Variants in PAPPA observed in about 807,000 individuals in gnomAD.
The protein encoded by PAPPA is pappalysin-1.
Under a neutral mutation model 164.0 loss-of-function variants are expected in PAPPA, and 60 were observed. The ratio of observed to expected loss-of-function variants is 0.37; its 90% CI spans 0.30 to 0.45. PAPPA has a LOEUF of 0.45. Among genes scored for constraint, PAPPA ranks in the 20% least tolerant of loss-of-function variants. PAPPA has a pLI of 1.00. For synonymous variants in PAPPA, 875 were observed against 814.1 expected, an observed-to-expected ratio of 1.07 and a Z score of -1.27; for missense variants, 1,782 against 2,087.3, an observed-to-expected ratio of 0.85 and a Z score of 2.85.
At chr9:116,322,402 C>T (rs7032528) in intron 10 of PAPPA, among the ~76,000 whole-genome samples, 5 of 112,506 alleles carry the variant, frequency 4.4e-5, no homozygotes, top group African/African-American at 1.7e-4. Context: ...AATAGGAAGA[C>T]TTAGTCTCAA....
intron 8 of PAPPA, among the ~76,000 whole-genome samples, chr9:116,269,845 G>A (rs908368235): frequency 2.0e-5 from 3 of 152,188 alleles, no homozygotes; most frequent in Admixed American, 6.5e-5. Context: ...CAGCAAGCAA[G>A]ACCCACTGCC....
intron 5 of PAPPA, among the ~76,000 whole-genome samples, chr9:116,225,580 T>C (rs1844496415): frequency 6.6e-6 from 1 of 152,214 alleles, no homozygotes; most frequent in Non-Finnish European, 1.5e-5. Context: ...AGTTGCATAA[T>C]ATTTATAAAT....
intron 18 of PAPPA, among the ~76,000 whole-genome samples, chr9:116,364,751 T>C (rs1235806810): frequency 6.6e-6 from 1 of 151,628 alleles, no homozygotes; most frequent in African/African-American, 2.4e-5. Flanking sequence ...ATCAGAACAG[T>C]GGAGAAAGAG....
chr9:116,248,949 T>G (rs1844828454), intron 7 of PAPPA, among the ~76,000 whole-genome samples: 1 of 152,200 alleles, frequency 6.6e-6, no homozygotes, highest in Non-Finnish European at 1.5e-5. Context: ...ATGAGAATCT[T>G]ACAGCATGGT....
At chr9:116,208,699 C>G (rs1587952791) in intron 3 of PAPPA, among the ~76,000 whole-genome samples, 1 of 152,182 alleles carries the variant, frequency 6.6e-6, no homozygotes, top group Admixed American at 6.6e-5. Context: ...AGTAGCTTCT[C>G]CATTGCTATT....
intron 7 of PAPPA, among the ~76,000 whole-genome samples, chr9:116,241,913 G>T (rs200248349): frequency 5.3e-5 from 8 of 151,264 alleles, no homozygotes; most frequent in African/African-American, 1.7e-4. Context: ...AGCTCTTTCC[G>T]TTTCTCACCT....
intron 15 of PAPPA, 69 bp from the exon 16 acceptor site, chr9:116,352,637 G>A: frequency 3.2e-6 from 4 of 1,239,818 alleles, no homozygotes; most frequent in South Asian, 1.2e-5. Context: ...TAAAATCCAA[G>A]TAGCTATACA....
intron 16 of PAPPA, 69 bp from the exon 17 acceptor site, chr9:116,353,553 T>C: frequency 7.4e-7 from 1 of 1,353,846 alleles, no homozygotes; most frequent in Non-Finnish European, 1.0e-6. Flanking sequence ...CAGCTGGTGG[T>C]GTTCATGCAG....
chr9:116,224,258 AT>A (rs1844478365), intron 5 of PAPPA, among the ~76,000 whole-genome samples: 1 of 152,148 alleles, frequency 6.6e-6, no homozygotes, highest in South Asian at 2.1e-4. Flanking sequence ...TAACTCCTTT[AT>A]TTTTATCTGT....
chr9:116,278,647 C>A (rs1250278043), intron 9 of PAPPA, among the ~76,000 whole-genome samples: 1 of 145,916 alleles, frequency 6.9e-6, no homozygotes, highest in African/African-American at 2.7e-5. Flanking sequence ...TTGACAGTAG[C>A]CAAATCGTTT....
chr9:116,391,383 C>T (rs1346081900), intron 21 of PAPPA, among the ~76,000 whole-genome samples: 2 of 152,184 alleles, frequency 1.3e-5, no homozygotes, highest in Non-Finnish European at 1.5e-5. Flanking sequence ...GATGTGGCCC[C>T]CCACAGCCAG....
rs181359803 is a variant in PAPPA, at chr9:116,202,359, C to T, written c.1479-5097C>T. Among the ~76,000 whole-genome samples, 3 of 152,204 alleles carry T rather than the reference C, an allele frequency of 2.0e-5. No individual in the cohort carries two copies. In the East Asian group the frequency reaches 5.8e-4, roughly 29 times the overall value. ...TAGGAAATATTTTGTTGGCACTTACCAACGAGTGAGATGCATAAAGAAAAT... is the reference window on the plus strand; with the variant it reads ...TAGGAAATATTTTGTTGGCACTTACTAACGAGTGAGATGCATAAAGAAAAT... On this transcript the variant is annotated intron_variant, in intron 2 of 21. Transcript: ENST00000328252.
At chr9:116,270,947 C>CT (rs1029950184) in intron 8 of PAPPA, among the ~76,000 whole-genome samples, 14 of 152,046 alleles carry the variant, frequency 9.2e-5, no homozygotes, top group African/African-American at 3.1e-4. Context: ...TTCAAATATG[C>CT]TTTTTTTAAG....
chr9:116,236,779 C>A (rs1289657396), intron 7 of PAPPA, among the ~76,000 whole-genome samples: 4 of 152,198 alleles, frequency 2.6e-5, no homozygotes, highest in East Asian at 3.9e-4. Context: ...ACAACCATAG[C>A]CCTATTATTC....
intron 20 of PAPPA, 48 bp from the exon 21 acceptor site, chr9:116,382,347 C>A: frequency 8.4e-7 from 1 of 1,193,068 alleles, no homozygotes; most frequent in Non-Finnish European, 1.3e-6. Context: ...CCCACTCACT[C>A]CAGGATGCTA....
chr9:116,209,357 G>T (rs1844278642), intron 3 of PAPPA, among the ~76,000 whole-genome samples: 1 of 152,066 alleles, frequency 6.6e-6, no homozygotes, highest in Non-Finnish European at 1.5e-5. Flanking sequence ...AAATAAGCAG[G>T]TCCTAGGAGG....
chr9:116,207,136 A>G (rs541512458), intron 2 of PAPPA, among the ~76,000 whole-genome samples: 5 of 152,258 alleles, frequency 3.3e-5, no homozygotes, highest in Non-Finnish European at 7.4e-5. Context: ...GAAAAAGGAA[A>G]ACATTGCTAA....
intron 1 of PAPPA, among the ~76,000 whole-genome samples, chr9:116,182,456 G>A (rs767877227): frequency 9.2e-5 from 14 of 152,204 alleles, no homozygotes; most frequent in Non-Finnish European, 1.6e-4. Flanking sequence ...TTTAGGATGG[G>A]GAGGAGTATG....
chr9:116,279,163 G>T (rs7848586), intron 9 of PAPPA, among the ~76,000 whole-genome samples: 1 of 152,110 alleles, frequency 6.6e-6, no homozygotes, highest in Non-Finnish European at 1.5e-5. Flanking sequence ...TAAATCCCAG[G>T]TTGTTATTGT....
Sources: allele counts gnomAD v4.1 joint callset (sites outside exome capture counted in the v4.1 genomes callset), GRCh38; gene constraint gnomAD v4.1.1; transcripts MANE v1.5; gene names NCBI Gene and HGNC (gene_info 2026-07-23, HGNC 2026-07-21).